The following DNAH6 variants were observed in gnomAD, a reference collection of about 807,000 sequenced individuals.
DNAH6 encodes dynein axonemal heavy chain 6, also known as axonemal beta dynein heavy chain 6.
DNAH6 carries 340 observed loss-of-function variants against 491.4 expected under a neutral mutation model. The observed-to-expected ratio is 0.69, with a 90% CI of 0.63 to 0.76. The LOEUF (loss-of-function observed/expected upper bound fraction) is 0.76, where lower values mean the gene tolerates loss of function less well. DNAH6 is among the 30% of genes least tolerant of loss of function. The pLI, the probability that DNAH6 is intolerant of heterozygous loss-of-function variation, is 0.00. For synonymous variants in DNAH6, 1,603 were observed against 1,686.1 expected (o/e 0.95, Z 1.21); for missense variants, 4,443 against 4,972.2 (o/e 0.89, Z 3.20).
chr2:84,605,438 G>A, intron 19 of DNAH6, 62 bp from the exon 20 acceptor site: 1 of 1,066,612 alleles, frequency 9.4e-7, no homozygotes, highest in South Asian at 1.4e-5. Flanking sequence ...CATTTCACGT[G>A]CATTTATTGA....
the DNAH6 span, among the ~76,000 whole-genome samples, chr2:84,478,217 T>A: frequency 4.6e-5 from 7 of 152,306 alleles, no homozygotes; most frequent in African/African-American, 1.7e-4. Context: ...TGAGGAAAGA[T>A]GAATCAGGAG....
Position 84,750,235 on chromosome 2 carries a change from G to T in DNAH6, c.10512+4986G>T, listed in dbSNP as rs140019283. Among the ~76,000 whole-genome samples the T allele has an allele frequency of 5.4e-3, 773 of 142,802 alleles. 8 individuals are homozygous for T. The highest frequency in any genetic ancestry group is 0.019 in the African/African-American group (729 of 38,446). 93.7% of individuals were successfully genotyped at this position (142,802 alleles called of 152,430 possible). On this transcript the variant is annotated intron_variant, in intron 63 of 76. Coordinates refer to ENST00000389394, the MANE Select transcript of DNAH6 (RefSeq NM_001370.2). ...GAGATGGAGTCTCTCTCTGTTGCCT[G>T]GGTGGGAGTGCAGTGGCATGATCTC...
At chr2:84,784,917 G>A (rs1677033885) in intron 66 of DNAH6, 107 bp downstream of exon 66, 2 of 765,320 alleles carry the variant, frequency 2.6e-6, no homozygotes, top group Non-Finnish European at 4.3e-6. Context: ...GGAGGTCTGT[G>A]TGGCCAGCAT....
intron 4 of DNAH6, among the ~76,000 whole-genome samples, chr2:84,529,620 T>C (rs1159519753): frequency 2.0e-5 from 3 of 152,184 alleles, no homozygotes; most frequent in South Asian, 2.1e-4. Context: ...CCACACACTT[T>C]CTGTGTGTTG....
intron 5 of DNAH6, among the ~76,000 whole-genome samples, chr2:84,544,785 G>C (rs952992860): frequency 4.6e-5 from 7 of 152,086 alleles, no homozygotes; most frequent in Non-Finnish European, 8.8e-5. Context: ...CTTTGTTGTT[G>C]ATTAGGAAAG....
At chr2:84,816,489 C>T (rs369198339) in intron 76 of DNAH6, among the ~76,000 whole-genome samples, 3 of 152,190 alleles carry the variant, frequency 2.0e-5, no homozygotes, top group East Asian at 1.9e-4. Flanking sequence ...TTTGGGAGAC[C>T]GAAGCAGATG....
intron 20 of DNAH6, 142 bp downstream of exon 20, chr2:84,605,734 G>C (rs1685695249): frequency 3.5e-6 from 2 of 578,138 alleles, no homozygotes; most frequent in Non-Finnish European, 6.1e-6. Flanking sequence ...CAAAATGAAT[G>C]CAAATAATTG....
chr2:84,595,933 C>T (rs768565132), intron 18 of DNAH6, 144 bp downstream of exon 18: 14 of 926,044 alleles, frequency 1.5e-5, no homozygotes, highest in Admixed American at 1.3e-4. Context: ...CATTTTTTTG[C>T]AGTGGCACAG....
chr2:84,728,404 G>C (rs969721782), intron 61 of DNAH6, among the ~76,000 whole-genome samples: 2 of 152,172 alleles, frequency 1.3e-5, no homozygotes, highest in Non-Finnish European at 2.9e-5. Context: ...CCAGTGGAGG[G>C]GTATTGAGGT....
intron 32 of DNAH6, 64 bp downstream of exon 32, chr2:84,640,642 A>T (rs1689300807): frequency 2.7e-6 from 4 of 1,457,240 alleles, no homozygotes. Flanking sequence ...TTAAATGGGT[A>T]ACTCAGGAAA....
At chr2:84,783,137 G>GA (rs377007382) in intron 65 of DNAH6, among the ~76,000 whole-genome samples, 14 of 151,648 alleles carry the variant, frequency 9.2e-5, no homozygotes, top group African/African-American at 2.4e-4. Context: ...GGAAGAAAAA[G>GA]AAAAAAAACA....
chr2:84,588,707 TA>T, intron 15 of DNAH6, 118 bp from the exon 16 acceptor site: 1 of 1,022,172 alleles, frequency 9.8e-7, no homozygotes, highest in Non-Finnish European at 1.4e-6. Context: ...ACATCATTTC[TA>T]AAAATCAAAA....
intron 4 of DNAH6, among the ~76,000 whole-genome samples, chr2:84,529,637 C>T (rs1460696): frequency 0.93 from 142,065 of 152,240 alleles, 66,406 homozygotes; most frequent in East Asian, 1. Flanking sequence ...GTTGTTGCCG[C>T]ACATTTGTTG....
intron 70 of DNAH6, among the ~76,000 whole-genome samples, chr2:84,797,912 A>G (rs919261732): frequency 4.6e-5 from 7 of 152,118 alleles, no homozygotes; most frequent in Non-Finnish European, 1.0e-4. Flanking sequence ...TGCCTAGTCC[A>G]TCCATAATCT....
the DNAH6 span, among the ~76,000 whole-genome samples, chr2:84,462,027 G>A: frequency 6.6e-6 from 1 of 152,216 alleles, no homozygotes; most frequent in Non-Finnish European, 1.5e-5. Context: ...GAAAAGTCCA[G>A]CTGGGAACTG....
intron 56 of DNAH6, among the ~76,000 whole-genome samples, chr2:84,712,712 G>A (rs890342547): frequency 6.6e-6 from 1 of 152,200 alleles, no homozygotes; most frequent in Non-Finnish European, 1.5e-5. Context: ...TTGGCCTATA[G>A]GCTGTCATTT....
chr2:84,480,543 C>T, the DNAH6 span, among the ~76,000 whole-genome samples: 7 of 152,242 alleles, frequency 4.6e-5, no homozygotes, highest in East Asian at 3.9e-4. Context: ...ATGTCAAGCA[C>T]GTAGAAGAGA....
At chr2:84,743,481 T>G (rs1018935186) in intron 62 of DNAH6, among the ~76,000 whole-genome samples, 2 of 152,226 alleles carry the variant, frequency 1.3e-5, no homozygotes, top group Non-Finnish European at 2.9e-5. Context: ...ATCTTTTGTC[T>G]TTCTTGATTT....
rs148600557 is a variant in DNAH6 at position 84,763,154 on chromosome 2, G to T, written c.10703+209G>T. ...CTGTAAATTTTATTTAAGCAAAGGA[G>T]AAATTGCTTAAAATATTAAAGTTTA... is the stretch of plus-strand genomic sequence containing the variant. On this transcript the variant is annotated intron_variant, in intron 64 of 76. Coordinates refer to ENST00000389394, the MANE Select transcript of DNAH6 (RefSeq NM_001370.2). 3.5e-3 allele frequency among the ~76,000 whole-genome samples: 530 copies of T among 152,222 alleles called. 9 individuals are homozygous for T. Among genetic ancestry groups the T allele is most frequent in the Admixed American group, 0.03 (455 of 15,286 alleles).
Sources: allele counts gnomAD v4.1 joint callset (sites outside exome capture counted in the v4.1 genomes callset), GRCh38; gene constraint gnomAD v4.1.1; transcripts MANE v1.5; gene names NCBI Gene and HGNC (gene_info 2026-07-23, HGNC 2026-07-21).